The following SNX6 variants were observed in gnomAD, a reference collection of about 807,000 sequenced individuals.
SNX6 encodes sorting nexin 6, also known as sorting nexin-6.
A neutral mutation model predicts 63.0 loss-of-function variants in SNX6; 34 were observed. The observed-to-expected ratio is 0.54, with a 90% CI of 0.41 to 0.72. SNX6 has a LOEUF of 0.72. Ranked by LOEUF, SNX6 falls within the 30% of genes least tolerant of loss-of-function variation. The probability of loss-of-function intolerance (pLI) is 0.00; values close to 1 mark genes in which losing one functional copy is unlikely to be tolerated. For missense variants in SNX6, 398 were observed against 471.4 expected, an observed-to-expected ratio of 0.84 and a Z score of 1.44; for synonymous variants, 170 against 164.2, an observed-to-expected ratio of 1.04 and a Z score of -0.27.
rs532521870 is a variant in SNX6, at chr14:34,593,110, A to C, written c.653T>G (p.Leu218Trp). 8.1e-6 allele frequency: 13 copies of C among 1,606,742 alleles called. No individual in the cohort carries two copies. The South Asian group carries it at 1.5e-4, about 18-fold the overall frequency. ...ATCCTTAACTCGGTTATGATACTCC[A>C]AAAGAAATGTTCGTTCGTGCTCAAA... The part of the protein sequence containing the change: ...DFFEHERTFL[L>W]EYHNRVKDAS... Residue 218 changes from leucine to tryptophan, a missense_variant, in exon 8 of 14, where the codon TTG becomes TGG. Physicochemically the swap from Leu to Trp is moderately conservative, Grantham distance 61. Transcript: ENST00000362031.
Position 34,605,587 on chromosome 14 carries a change from A to G in SNX6, c.392+9T>C. The G allele has an allele frequency of 6.5e-7, 1 of 1,548,430 alleles. No individual in the cohort carries two copies. Among genetic ancestry groups the G allele is most frequent in the Non-Finnish European group, 8.7e-7 (1 of 1,156,008 alleles). On this transcript the variant is annotated intron_variant, in intron 5 of 13. Coordinates refer to ENST00000362031, the MANE Select transcript of SNX6 (RefSeq NM_152233.4). ...AAAAAAAAAACAAAAAAATAAAAAAATCACTTACGCTTCCAGTTCCTGTTT... is the reference window on the plus strand; with the variant it reads ...AAAAAAAAAACAAAAAAATAAAAAAGTCACTTACGCTTCCAGTTCCTGTTT...
At chr14:34,602,663 T>C (rs1004966369) in intron 6 of SNX6, among the ~76,000 whole-genome samples, 4 of 151,636 alleles carry the variant, frequency 2.6e-5, no homozygotes, top group Non-Finnish European at 5.9e-5. Context: ...TACTCTTGCC[T>C]TTTCCAATGA....
intron 6 of SNX6, among the ~76,000 whole-genome samples, chr14:34,600,298 C>T (rs968776071): frequency 2.6e-5 from 4 of 151,970 alleles, no homozygotes; most frequent in East Asian, 1.9e-4. Context: ...CTTATGTTTG[C>T]GTTTTTAGTA....
intron 2 of SNX6, among the ~76,000 whole-genome samples, chr14:34,624,708 A>C (rs6650497): frequency 0.39 from 59,723 of 151,456 alleles, 13,074 homozygotes; most frequent in East Asian, 0.74. Flanking sequence ...AGGCAGGAGA[A>C]TAGCTTGAAC....
At chr14:34,626,996 T>C (rs1316418428) in intron 2 of SNX6, among the ~76,000 whole-genome samples, 3 of 152,184 alleles carry the variant, frequency 2.0e-5, no homozygotes, top group Non-Finnish European at 2.9e-5. Flanking sequence ...GTTTCCGCTA[T>C]TTTAAAACCC....
At chr14:34,597,245 G>A (rs1015165821) in intron 7 of SNX6, among the ~76,000 whole-genome samples, 10 of 152,092 alleles carry the variant, frequency 6.6e-5, no homozygotes, top group African/African-American at 2.2e-4. Context: ...TATAGGAACT[G>A]CAAGGCTTGG....
chr14:34,565,814 T>C (rs1021420382), intron 13 of SNX6, among the ~76,000 whole-genome samples: 2 of 152,022 alleles, frequency 1.3e-5, no homozygotes, highest in Non-Finnish European at 2.9e-5. Flanking sequence ...CTCAGCCTCC[T>C]GAGTAGCTGG....
At chr14:34,590,675 C>T (rs1271319457) in intron 8 of SNX6, among the ~76,000 whole-genome samples, 1 of 151,894 alleles carries the variant, frequency 6.6e-6, no homozygotes, top group Non-Finnish European at 1.5e-5. Context: ...AATGGTACAA[C>T]CATTGTGGAA....
In SNX6 at chr14:34,624,258, G is replaced by A. The variant is rs529420584; in HGVS notation, c.54+5649C>T. 5.4e-3 allele frequency among the ~76,000 whole-genome samples: 820 copies of A among 152,062 alleles called. 3 individuals are homozygous for A. Among genetic ancestry groups the A allele is most frequent in the African/African-American group, 0.019 (775 of 41,502 alleles). On this transcript the variant is annotated intron_variant, in intron 2 of 13. Coordinates refer to ENST00000362031, the MANE Select transcript of SNX6 (RefSeq NM_152233.4). ...TGGGATTACAGGCACCAGCCATCACGCCCGGCTAATTTTTGTATTTTTAGT... is the reference window on the plus strand; with the variant it reads ...TGGGATTACAGGCACCAGCCATCACACCCGGCTAATTTTTGTATTTTTAGT...
intron 11 of SNX6, among the ~76,000 whole-genome samples, chr14:34,574,387 G>A (rs1302534670): frequency 6.7e-6 from 1 of 150,106 alleles, no homozygotes; most frequent in Non-Finnish European, 1.5e-5. Flanking sequence ...TGTGGCTCAT[G>A]CCTGTTAATT....
chr14:34,589,809 G>A (rs575475512), intron 8 of SNX6, among the ~76,000 whole-genome samples: 1 of 151,934 alleles, frequency 6.6e-6, no homozygotes, highest in East Asian at 1.9e-4. Context: ...TGGATAGACA[G>A]AGAGAGACTC....
intron 2 of SNX6, among the ~76,000 whole-genome samples, chr14:34,615,410 T>C (rs544284802): frequency 7.9e-5 from 12 of 152,184 alleles, no homozygotes; most frequent in East Asian, 5.8e-4. Flanking sequence ...TTTTAAGAGA[T>C]AGGGTCTCCC....
At chr14:34,602,494 G>A (rs1044184147) in intron 6 of SNX6, among the ~76,000 whole-genome samples, 2 of 151,260 alleles carry the variant, frequency 1.3e-5, no homozygotes, top group African/African-American at 4.9e-5. Context: ...GGGAGGCTGA[G>A]GCACGAGAAT....
At chr14:34,589,494 TA>T (rs947199853) in intron 8 of SNX6, among the ~76,000 whole-genome samples, 4 of 148,896 alleles carry the variant, frequency 2.7e-5, no homozygotes, top group African/African-American at 1.0e-4. Flanking sequence ...AAAGAAAACA[TA>T]AAGATTCTAA....
chr14:34,580,987 G>A (rs553637052), intron 10 of SNX6, among the ~76,000 whole-genome samples: 5 of 152,016 alleles, frequency 3.3e-5, no homozygotes, highest in African/African-American at 1.2e-4. Context: ...ATACTTAAAG[G>A]CAATAACAAA....
chr14:34,628,429 A>T (rs1883912273), intron 2 of SNX6, among the ~76,000 whole-genome samples: 1 of 152,182 alleles, frequency 6.6e-6, no homozygotes, highest in Admixed American at 6.6e-5. Flanking sequence ...ACTGCACTCC[A>T]GTCTGGGTGA....
chr14:34,570,453 G>A (rs1594694231), intron 11 of SNX6, among the ~76,000 whole-genome samples: 2 of 148,692 alleles, frequency 1.3e-5, no homozygotes, highest in South Asian at 4.3e-4. Context: ...ACTGAGTCGT[G>A]CTCTGTCATC....
intron 2 of SNX6, 79 bp downstream of exon 2, chr14:34,629,828 A>G: frequency 6.5e-7 from 1 of 1,539,836 alleles, no homozygotes. Context: ...CTGGGGACCC[A>G]TCCCCGTACC....
intron 3 of SNX6, among the ~76,000 whole-genome samples, chr14:34,609,336 C>G (rs1883133958): frequency 1.3e-5 from 2 of 151,518 alleles, no homozygotes. Context: ...AAAAAATTAG[C>G]CGGACATGGT....
Sources: gnomAD v4.1 joint callset for allele counts (sites outside exome capture counted in the v4.1 genomes callset) on GRCh38, gnomAD v4.1.1 for gene constraint, MANE v1.5 for transcripts, NCBI Gene and HGNC (gene_info 2026-07-23, HGNC 2026-07-21) for gene names.